CHMP4B: variants seen among roughly 807,000 people sequenced by gnomAD.
CHMP4B encodes the protein SNF7 homolog associated with Alix 1.
Under a neutral mutation model 25.1 loss-of-function variants are expected in CHMP4B, and 1 was observed. That is an observed-to-expected ratio of 0.04 (90% CI 0.01 to 0.19). The LOEUF is 0.19. Among genes scored for constraint, CHMP4B ranks in the 10% least tolerant of loss-of-function variants. The pLI, the probability that CHMP4B is intolerant of heterozygous loss-of-function variation, is 1.00. For missense variants in CHMP4B, 151 were observed against 289.7 expected, an observed-to-expected ratio of 0.52 and a Z score of 3.48; for synonymous variants, 101 against 115.6, an observed-to-expected ratio of 0.87 and a Z score of 0.81.
chr20:33,851,103 A>G (rs1381674114), intron 3 of CHMP4B, 37 bp downstream of exon 3: 1 of 1,274,286 alleles, frequency 7.8e-7, no homozygotes, highest in South Asian at 1.2e-5. Flanking sequence ...AGCTTCACAA[A>G]TGATACCCTG....
chr20:33,839,608 G>A (rs1979479949), intron 1 of CHMP4B, among the ~76,000 whole-genome samples: 1 of 152,108 alleles, frequency 6.6e-6, no homozygotes, highest in Admixed American at 6.5e-5. Context: ...CAGTTTGTGG[G>A]CAGAACAGGC....
intron 2 of CHMP4B, among the ~76,000 whole-genome samples, chr20:33,849,172 T>C (rs1979770215): frequency 6.6e-6 from 1 of 152,234 alleles, no homozygotes; most frequent in Non-Finnish European, 1.5e-5. Context: ...GATCTTGCCC[T>C]CAGCAGTCCT....
At position 33,817,833 on chromosome 20, in the gene CHMP4B, A is replaced by G. The variant is rs1019721313; in HGVS notation, c.190+6175A>G. On this transcript the variant is annotated intron_variant, in intron 1 of 4. Transcript: ENST00000217402. The stretch of plus-strand genomic sequence containing the variant: ...AGAAGGGGAAAATCTGAGCATAGCA[A>G]TGGGAAACTACAGATCTAGCTGTTT... Among the ~76,000 whole-genome samples, 3 of 152,204 alleles carry G rather than the reference A, an allele frequency of 2.0e-5. No individual in the cohort carries two copies. The East Asian group carries it at 5.8e-4, about 29-fold the overall frequency.
At chr20:33,835,529 CTG>C (rs376120697) in intron 1 of CHMP4B, among the ~76,000 whole-genome samples, 91 of 152,342 alleles carry the variant, frequency 6.0e-4, no homozygotes, top group Middle Eastern at 3.4e-3. Context: ...TTTTTTCTCT[CTG>C]TATTTCATTT....
At chr20:33,842,918 C>T (rs938876723) in intron 1 of CHMP4B, among the ~76,000 whole-genome samples, 1 of 152,162 alleles carries the variant, frequency 6.6e-6, no homozygotes, top group Non-Finnish European at 1.5e-5. Flanking sequence ...GCTATTTGCC[C>T]CTATACTGAA....
At chr20:33,830,951 G>GTTTTTTTTTTTTTTTTTTTTTTTT (rs1555792014) in intron 1 of CHMP4B, among the ~76,000 whole-genome samples, 3 of 73,012 alleles carry the variant, frequency 4.1e-5, no homozygotes, top group Non-Finnish European at 2.7e-5. Flanking sequence ...TTTTTTTTTA[G>GTTTTTTTTTTTTTTTTTTTTTTTT]TTTTTTTGAG....
intron 1 of CHMP4B, among the ~76,000 whole-genome samples, chr20:33,845,055 G>A (rs1024705540): frequency 2.0e-5 from 3 of 152,024 alleles, no homozygotes; most frequent in Admixed American, 6.5e-5. Context: ...CACCGCGCCC[G>A]GCCGAGTGTT....
intron 1 of CHMP4B, 41 bp downstream of exon 1, chr20:33,811,699 C>T (rs574623437): frequency 2.5e-6 from 4 of 1,592,670 alleles, no homozygotes; most frequent in East Asian, 2.3e-5. Flanking sequence ...ACGGGCTCCC[C>T]CCAGGCTCCC....
At position 33,833,047 on chromosome 20, in the gene CHMP4B, C is replaced by T. The variant is rs562415318; in HGVS notation, c.191-15420C>T. Among the ~76,000 whole-genome samples the T allele has an allele frequency of 6.6e-5, 10 of 152,086 alleles. No homozygotes were observed. In the South Asian group the frequency reaches 1.9e-3, roughly 28 times the overall value. On this transcript the variant is annotated intron_variant, in intron 1 of 4. Transcript: ENST00000217402. ...CAAGCGAACCTCCTGCTTTGGCCTC[C>T]CAAAGTGCTGGGATTGTAGGTGTGA... is the stretch of plus-strand genomic sequence containing the variant.
intron 1 of CHMP4B, among the ~76,000 whole-genome samples, chr20:33,816,210 G>C (rs1978779133): frequency 6.6e-6 from 1 of 152,042 alleles, no homozygotes; most frequent in South Asian, 2.1e-4. Context: ...GGCCCTTACT[G>C]TGTCCTAGGC....
intron 2 of CHMP4B, among the ~76,000 whole-genome samples, 160 bp downstream of exon 2, chr20:33,848,804 C>T (rs894344404): frequency 3.3e-5 from 5 of 152,152 alleles, no homozygotes; most frequent in Admixed American, 6.5e-5. Context: ...AAATGGATGA[C>T]GTGCCTTTGA....
chr20:33,836,633 C>T (rs373318783), intron 1 of CHMP4B, among the ~76,000 whole-genome samples: 6 of 152,184 alleles, frequency 3.9e-5, no homozygotes, highest in East Asian at 3.9e-4. Context: ...GAGGACCCTC[C>T]GTGGCTCTCC....
chr20:33,841,065 T>G (rs1021703264), intron 1 of CHMP4B, among the ~76,000 whole-genome samples: 1 of 152,244 alleles, frequency 6.6e-6, no homozygotes, highest in Admixed American at 6.5e-5. Flanking sequence ...TTGTATTGTT[T>G]AAATGATTTG....
chr20:33,831,312 C>T (rs539651125), intron 1 of CHMP4B, among the ~76,000 whole-genome samples: 182 of 152,220 alleles, frequency 1.2e-3, no homozygotes, highest in African/African-American at 4.1e-3. Context: ...TCTCGAACTC[C>T]TGACCTCAAG....
At position 33,826,002 on chromosome 20, in the gene CHMP4B, T is replaced by C. The variant is rs1250049669; in HGVS notation, c.190+14344T>C. Among the ~76,000 whole-genome samples, 3 of 152,196 alleles carry C rather than the reference T, an allele frequency of 2.0e-5. No individual in the cohort carries two copies. The East Asian group carries it at 5.8e-4, about 29-fold the overall frequency. On this transcript the variant is annotated intron_variant, in intron 1 of 4. Coordinates refer to ENST00000217402, the MANE Select transcript of CHMP4B (RefSeq NM_176812.5). The stretch of plus-strand genomic sequence containing the variant: ...TAAGTTCCACCCAGTTTGGCAAATA[T>C]TTTGAGTGTTTACTGTGAGAGACTC...
intron 1 of CHMP4B, among the ~76,000 whole-genome samples, chr20:33,815,341 C>T (rs933794628): frequency 2.0e-5 from 3 of 152,134 alleles, no homozygotes; most frequent in Non-Finnish European, 2.9e-5. Context: ...AGTGTAGAAG[C>T]ATGGGAAACT....
At chr20:33,850,139 G>T (rs1601329459) in intron 2 of CHMP4B, among the ~76,000 whole-genome samples, 1 of 152,334 alleles carries the variant, frequency 6.6e-6, no homozygotes, top group African/African-American at 2.4e-5. Context: ...GGCAGCTTTT[G>T]TGCTACGCAG....
chr20:33,849,916 C>G (rs1348370281), intron 2 of CHMP4B, among the ~76,000 whole-genome samples: 1 of 152,200 alleles, frequency 6.6e-6, no homozygotes, highest in Non-Finnish European at 1.5e-5. Flanking sequence ...GCTCAGACTA[C>G]AGGTGTGTGA....
At chr20:33,813,960 T>C (rs1978713090) in intron 1 of CHMP4B, among the ~76,000 whole-genome samples, 1 of 152,226 alleles carries the variant, frequency 6.6e-6, no homozygotes, top group East Asian at 1.9e-4. Context: ...CTTGAACACC[T>C]GACCTCATGA....
Sources: allele counts gnomAD v4.1 joint callset (sites outside exome capture counted in the v4.1 genomes callset), GRCh38; gene constraint gnomAD v4.1.1; transcripts MANE v1.5; gene names NCBI Gene and HGNC (gene_info 2026-07-23, HGNC 2026-07-21).